MCTP1: variants seen among roughly 807,000 people sequenced by gnomAD.
MCTP1 encodes multiple C2 and transmembrane domain containing 1.
In MCTP1, 69 loss-of-function variants were observed where a neutral mutation model predicts 120.6. That is an observed-to-expected ratio of 0.57 (90% CI 0.47 to 0.70). The LOEUF is 0.70. Ranked by LOEUF, MCTP1 falls within the 30% of genes least tolerant of loss-of-function variation. The pLI is 0.00. For missense variants in MCTP1, 1,203 were observed against 1,248.8 expected, an observed-to-expected ratio of 0.96 and a Z score of 0.55; for synonymous variants, 529 against 493.1, an observed-to-expected ratio of 1.07 and a Z score of -0.96.
At chr5:94,834,812 C>CTTTTTT (rs141103769) in intron 17 of MCTP1, among the ~76,000 whole-genome samples, 1 of 88,634 alleles carries the variant, frequency 1.1e-5, no homozygotes, top group Non-Finnish European at 2.3e-5. Flanking sequence ...AACATTCTCT[C>CTTTTTT]TTTTTTTTTT....
At chr5:95,020,913 T>C (rs550348941) in intron 1 of MCTP1, among the ~76,000 whole-genome samples, 4 of 152,196 alleles carry the variant, frequency 2.6e-5, no homozygotes, top group Admixed American at 6.5e-5. Flanking sequence ...CATGATCTGC[T>C]TACTTCTGTG....
chr5:94,914,671 T>A (rs1459030726), intron 8 of MCTP1, among the ~76,000 whole-genome samples: 1 of 152,230 alleles, frequency 6.6e-6, no homozygotes, highest in Non-Finnish European at 1.5e-5. Context: ...TCAAATGTGT[T>A]CTGAAGTGTA....
At chr5:94,830,011 C>A (rs932273164) in intron 17 of MCTP1, among the ~76,000 whole-genome samples, 4 of 152,240 alleles carry the variant, frequency 2.6e-5, no homozygotes, top group Non-Finnish European at 5.9e-5. Flanking sequence ...TGCAGCCACA[C>A]TCTTTATAGT....
intron 1 of MCTP1, among the ~76,000 whole-genome samples, chr5:95,026,812 T>C (rs1839349966): frequency 6.6e-6 from 1 of 152,224 alleles, no homozygotes; most frequent in Admixed American, 6.5e-5. Flanking sequence ...TCTAACTTTG[T>C]CTGTCAATAA....
chr5:94,842,528 A>G (rs1791332300), intron 17 of MCTP1, among the ~76,000 whole-genome samples: 1 of 152,222 alleles, frequency 6.6e-6, no homozygotes, highest in Non-Finnish European at 1.5e-5. Flanking sequence ...GATTTTCAGC[A>G]AAGTTATTAA....
rs572893741 is a variant in MCTP1, at chr5:94,718,161, C to T, written c.2611-3275G>A. 4.6e-5 allele frequency among the ~76,000 whole-genome samples: 7 copies of T among 152,188 alleles called. No homozygotes were observed. In the South Asian group the frequency reaches 1.5e-3, roughly 32 times the overall value. On this transcript the variant is annotated intron_variant, in intron 19 of 22. Transcript: ENST00000515393. ...AAATGGCATGGTACTGGTACAAAAACACACATACACCAACGGAATAGAAAA... is the reference window on the plus strand; with the variant it reads ...AAATGGCATGGTACTGGTACAAAAATACACATACACCAACGGAATAGAAAA...
intron 17 of MCTP1, among the ~76,000 whole-genome samples, chr5:94,842,588 C>A (rs1295886787): frequency 1.3e-5 from 2 of 152,166 alleles, no homozygotes; most frequent in Non-Finnish European, 2.9e-5. Context: ...GGGCCACAAG[C>A]AATTCCTTCC....
chr5:94,925,875 T>C (rs1812962413), intron 6 of MCTP1, among the ~76,000 whole-genome samples: 3 of 152,202 alleles, frequency 2.0e-5, no homozygotes, highest in Non-Finnish European at 4.4e-5. Flanking sequence ...GTAAGATGCA[T>C]TGGGAATATC....
At chr5:94,854,584 C>T (rs898580276) in intron 17 of MCTP1, among the ~76,000 whole-genome samples, 8 of 151,796 alleles carry the variant, frequency 5.3e-5, no homozygotes, top group Non-Finnish European at 7.4e-5. Context: ...GTTTCTATGA[C>T]AATTACCGAG....
chr5:95,068,127 A>G (rs1179058519), intron 1 of MCTP1, among the ~76,000 whole-genome samples: 1 of 152,226 alleles, frequency 6.6e-6, no homozygotes, highest in African/African-American at 2.4e-5. Context: ...TCATTATCCT[A>G]TTTAAATCAA....
chr5:95,160,524 A>AT (rs1474868311), intron 1 of MCTP1, among the ~76,000 whole-genome samples: 1 of 151,976 alleles, frequency 6.6e-6, no homozygotes, highest in Non-Finnish European at 1.5e-5. Context: ...AATTTTTATT[A>AT]TTTTTTGAGA....
At chr5:94,922,633 C>T (rs1561863952) in intron 7 of MCTP1, among the ~76,000 whole-genome samples, 2 of 152,098 alleles carry the variant, frequency 1.3e-5, no homozygotes, top group African/African-American at 4.8e-5. Flanking sequence ...GGATTACATG[C>T]ATGCGCCACC....
intron 18 of MCTP1, among the ~76,000 whole-genome samples, chr5:94,798,585 T>C (rs1780548862): frequency 2.0e-5 from 3 of 152,148 alleles, no homozygotes; most frequent in Non-Finnish European, 4.4e-5. Flanking sequence ...CAACCATCAA[T>C]CCTTCATTCT....
At chr5:95,125,986 ATAT>A (rs1327751607) in intron 1 of MCTP1, among the ~76,000 whole-genome samples, 1 of 152,244 alleles carries the variant, frequency 6.6e-6, no homozygotes, top group Non-Finnish European at 1.5e-5. Flanking sequence ...GAAAGATAAC[ATAT>A]TAAACTTTCT....
At chr5:94,821,819 C>T (rs1785719301) in intron 17 of MCTP1, among the ~76,000 whole-genome samples, 1 of 152,120 alleles carries the variant, frequency 6.6e-6, no homozygotes, top group Non-Finnish European at 1.5e-5. Context: ...CCCCTGGATA[C>T]TGTATTTTCT....
At chr5:95,051,664 C>T (rs1278829190) in intron 1 of MCTP1, among the ~76,000 whole-genome samples, 1 of 152,126 alleles carries the variant, frequency 6.6e-6, no homozygotes, top group Non-Finnish European at 1.5e-5. Flanking sequence ...TTGAGATATA[C>T]TATGCCACTG....
intron 18 of MCTP1, chr5:94,793,464 A>C (rs1473048575): frequency 6.6e-6 from 1 of 152,190 alleles, no homozygotes; most frequent in Non-Finnish European, 1.5e-5. Context: ...AGAAGAAAAG[A>C]GTGATCATCC....
intron 11 of MCTP1, among the ~76,000 whole-genome samples, chr5:94,889,786 CTCT>C (rs1802173756): frequency 1.8e-5 from 2 of 114,118 alleles, no homozygotes; most frequent in Non-Finnish European, 4.0e-5. Context: ...ACACACACCC[CTCT>C]ATGTGGATAA....
At chr5:95,113,822 C>T (rs1757625930) in intron 1 of MCTP1, among the ~76,000 whole-genome samples, 1 of 152,114 alleles carries the variant, frequency 6.6e-6, no homozygotes, top group African/African-American at 2.4e-5. Context: ...TAAGGGAGTG[C>T]TTGTTCCACC....
Sources: gnomAD v4.1 joint callset for allele counts (sites outside exome capture counted in the v4.1 genomes callset) on GRCh38, gnomAD v4.1.1 for gene constraint, MANE v1.5 for transcripts, NCBI Gene and HGNC (gene_info 2026-07-23, HGNC 2026-07-21) for gene names.